The following MTSS1 variants were observed in gnomAD, a reference collection of about 807,000 sequenced individuals.
MTSS1 encodes the protein protein MTSS 1.
A neutral mutation model predicts 79.0 loss-of-function variants in MTSS1; 18 were observed. That is an observed-to-expected ratio of 0.23 (90% CI 0.16 to 0.34). MTSS1 has a LOEUF of 0.34. Among genes scored for constraint, MTSS1 ranks in the 10% least tolerant of loss-of-function variants. The pLI is 1.00. For missense variants in MTSS1, 815 were observed against 986.2 expected (o/e 0.83, Z 2.33); for synonymous variants, 341 against 368.6 (o/e 0.93, Z 0.86).
At chr8:124,588,470 A>T (rs530239316) in intron 5 of MTSS1, among the ~76,000 whole-genome samples, 2 of 152,172 alleles carry the variant, frequency 1.3e-5, no homozygotes, top group South Asian at 4.2e-4. Flanking sequence ...AAACACTCTC[A>T]CTCGAAAGCA....
chr8:124,635,028 A>G (rs1816734521), intron 3 of MTSS1, among the ~76,000 whole-genome samples: 1 of 152,230 alleles, frequency 6.6e-6, no homozygotes, highest in South Asian at 2.1e-4. Context: ...CTTATCTACA[A>G]AAAGAAATGA....
chr8:124,670,503 G>A (rs1823956415), intron 3 of MTSS1, among the ~76,000 whole-genome samples: 1 of 151,808 alleles, frequency 6.6e-6, no homozygotes, highest in Non-Finnish European at 1.5e-5. Flanking sequence ...AAGGAGTCTC[G>A]AAAATCAATA....
At position 124,674,085 on chromosome 8, in the gene MTSS1, A is replaced by T. The variant is rs150058926; in HGVS notation, c.208+25441T>A. On this transcript the variant is annotated intron_variant, in intron 3 of 13. Coordinates refer to ENST00000518547, the MANE Select transcript of MTSS1 (RefSeq NM_014751.6). ...GCTCTTCCCTGAACCTTTCCAAGAA[A>T]CTTAATGAACCAGACTGTCTAAGGG... 5.7e-3 allele frequency among the ~76,000 whole-genome samples: 873 copies of T among 152,266 alleles called. 3 individuals are homozygous for T. The highest frequency in any genetic ancestry group is 0.014 in the Middle Eastern group (4 of 294).
chr8:124,558,670 C>T, intron 10 of MTSS1: 1 of 1,495,592 alleles, frequency 6.7e-7, no homozygotes, highest in South Asian at 1.3e-5. Context: ...GGCAGGGGGA[C>T]CAGGGAGAGT....
rs11323836 is a variant in MTSS1, at chr8:124,643,698, C to CAAAAAAAAAAAAAAAAAAAAAAAAAAA, written c.209-52464_209-52463insTTTTTTTTTTTTTTTTTTTTTTTTTTT. On this transcript the variant is annotated intron_variant, in intron 3 of 13. Transcript: ENST00000518547. ...GGGCAACAAGAGCGAAATTCCGTCT[C>CAAAAAAAAAAAAAAAAAAAAAAAAAAA]AAAAAAAAAAAAAAAAAAAAAAAAC... Among the ~76,000 whole-genome samples, 4 of 66,920 alleles carry CAAAAAAAAAAAAAAAAAAAAAAAAAAA rather than the reference C, an allele frequency of 6.0e-5. 1 individual carries two copies. The highest frequency in any genetic ancestry group is 1.2e-4 in the African/African-American group (2 of 16,976). The allele number at this position is 66,920 out of a possible 152,430, so 43.9% of individuals were successfully genotyped here.
chr8:124,623,066 A>T (rs897183187), intron 3 of MTSS1, among the ~76,000 whole-genome samples: 3 of 152,242 alleles, frequency 2.0e-5, no homozygotes, highest in African/African-American at 7.2e-5. Flanking sequence ...CACTGCGATG[A>T]GAGGAAGCAC....
At chr8:124,601,997 C>A (rs115386783) in intron 3 of MTSS1, among the ~76,000 whole-genome samples, 2,067 of 151,806 alleles carry the variant, frequency 0.014, 50 homozygotes, top group African/African-American at 0.049. Context: ...AATTCTTAGG[C>A]CTGGAAAAGT....
chr8:124,666,216 G>A (rs1311909356), intron 3 of MTSS1, among the ~76,000 whole-genome samples: 1 of 152,208 alleles, frequency 6.6e-6, no homozygotes, highest in East Asian at 1.9e-4. Context: ...AAGCACTGTG[G>A]CTAGCTCACA....
At chr8:124,564,928 G>A (rs1826081682) in intron 9 of MTSS1, 1 of 152,230 alleles carries the variant, frequency 6.6e-6, no homozygotes, top group Non-Finnish European at 1.5e-5. Context: ...ACAGGAAGTG[G>A]AAACTCATTT....
At chr8:124,585,217 TTAGG>T (rs921344935) in intron 5 of MTSS1, 56 bp from the exon 6 acceptor site, 3 of 1,319,920 alleles carry the variant, frequency 2.3e-6, no homozygotes, top group Non-Finnish European at 3.2e-6. Flanking sequence ...AGAAAATATG[TTAGG>T]TAGGAAACAG....
At chr8:124,695,016 T>TA (rs11422382) in intron 3 of MTSS1, among the ~76,000 whole-genome samples, 55,457 of 151,824 alleles carry the variant, frequency 0.37, 10,770 homozygotes, top group Non-Finnish European at 0.41. Flanking sequence ...CACTTTCATT[T>TA]AAAAAAAATG....
chr8:124,554,516 A>C (rs1823159263), intron 13 of MTSS1, among the ~76,000 whole-genome samples: 1 of 152,216 alleles, frequency 6.6e-6, no homozygotes, highest in South Asian at 2.1e-4. Context: ...TGAATGATGA[A>C]TGGCATAGCT....
intron 3 of MTSS1, among the ~76,000 whole-genome samples, chr8:124,662,117 G>A (rs941648468): frequency 4.6e-5 from 7 of 152,138 alleles, no homozygotes; most frequent in East Asian, 1.9e-4. Flanking sequence ...TCTATTGATC[G>A]CATGTGCTAC....
intron 3 of MTSS1, among the ~76,000 whole-genome samples, chr8:124,598,471 A>C (rs1563827614): frequency 6.6e-6 from 1 of 152,136 alleles, no homozygotes; most frequent in Non-Finnish European, 1.5e-5. Flanking sequence ...AGGAACATGC[A>C]TCCTTTTTCC....
chr8:124,623,990 G>A (rs1181885687), intron 3 of MTSS1, among the ~76,000 whole-genome samples: 5 of 152,154 alleles, frequency 3.3e-5, no homozygotes, highest in Admixed American at 1.3e-4. Context: ...CCTTTCTCTG[G>A]GAAAGTAAGG....
Position 124,551,176 on chromosome 8 carries a change from A to G in MTSS1, c.*1816T>C, listed in dbSNP as rs1046357771. Reference sequence around the variant, plus strand: ...AAGGTTTAAAATACCACTTTTATCTATTGTGATTACCTTGCAGCGATTTCT... The same window carrying G: ...AAGGTTTAAAATACCACTTTTATCTGTTGTGATTACCTTGCAGCGATTTCT... On this transcript the variant is annotated 3_prime_UTR_variant, in exon 14 of 14. Coordinates refer to ENST00000518547, the MANE Select transcript of MTSS1 (RefSeq NM_014751.6). The G allele has an allele frequency of 5.2e-5, 8 of 152,620 alleles. No individual in the cohort carries two copies. Among genetic ancestry groups the G allele is most frequent in the South Asian group, 2.1e-4 (1 of 4,836 alleles). The allele number at this position is 152,620 out of a possible 1,614,324, so 9.5% of individuals were successfully genotyped here. A position where few individuals can be genotyped will look rare whatever the true frequency, so the allele number is the denominator to read the frequency against.
At chr8:124,560,678 A>C (rs1825092188) in intron 10 of MTSS1, among the ~76,000 whole-genome samples, 1 of 152,116 alleles carries the variant, frequency 6.6e-6, no homozygotes, top group Non-Finnish European at 1.5e-5. Context: ...ATAAAACAAC[A>C]AAACAGTAAC....
chr8:124,694,102 T>C (rs1828399777), intron 3 of MTSS1, among the ~76,000 whole-genome samples: 1 of 152,220 alleles, frequency 6.6e-6, no homozygotes, highest in African/African-American at 2.4e-5. Context: ...AGATTATTTT[T>C]TGTGCTACAC....
chr8:124,629,888 A>T (rs913573090), intron 3 of MTSS1, among the ~76,000 whole-genome samples: 2 of 152,196 alleles, frequency 1.3e-5, no homozygotes, highest in Non-Finnish European at 2.9e-5. Context: ...TTAAAAACAT[A>T]TCACACACAC....
Sources: allele counts gnomAD v4.1 joint callset (sites outside exome capture counted in the v4.1 genomes callset), GRCh38; gene constraint gnomAD v4.1.1; transcripts MANE v1.5; gene names NCBI Gene and HGNC (gene_info 2026-07-23, HGNC 2026-07-21).